PTPRN2: variants seen among roughly 807,000 people sequenced by gnomAD.
PTPRN2 encodes the protein receptor-type tyrosine-protein phosphatase N2.
A neutral mutation model predicts 118.8 loss-of-function variants in PTPRN2; 74 were observed. The ratio of observed to expected loss-of-function variants is 0.62; its 90% CI spans 0.52 to 0.76. The LOEUF is 0.76. PTPRN2 is among the 30% of genes least tolerant of loss of function. PTPRN2 has a pLI of 0.00. For synonymous variants in PTPRN2, 641 were observed against 608.0 expected (o/e 1.05, Z -0.80); for missense variants, 1,481 against 1,394.4 (o/e 1.06, Z -0.99).
intron 11 of PTPRN2, among the ~76,000 whole-genome samples, chr7:157,927,241 G>A (rs1218128943): frequency 7.7e-5 from 5 of 64,756 alleles, no homozygotes; most frequent in African/African-American, 2.6e-4. Context: ...GAGAGCAGAG[G>A]CCTCGCGTCT....
At chr7:158,296,803 T>C (rs7800966) in intron 3 of PTPRN2, among the ~76,000 whole-genome samples, 137,641 of 152,268 alleles carry the variant, frequency 0.9, 62,608 homozygotes, top group Middle Eastern at 0.96. Flanking sequence ...CTCTTCTGGG[T>C]GGCAGTTGGC....
intron 11 of PTPRN2, among the ~76,000 whole-genome samples, chr7:157,965,796 C>T (rs1299903642): frequency 1.3e-5 from 2 of 152,234 alleles, no homozygotes; most frequent in South Asian, 4.1e-4. Flanking sequence ...TTATGACTTT[C>T]TGAAGAATTG....
At chr7:158,474,989 C>A (rs898994736) in intron 2 of PTPRN2, among the ~76,000 whole-genome samples, 2 of 152,176 alleles carry the variant, frequency 1.3e-5, no homozygotes, top group African/African-American at 4.8e-5. Context: ...GAGACAGGCC[C>A]TGAGGAGCCT....
At chr7:157,915,492 A>T (rs867684796) in intron 11 of PTPRN2, among the ~76,000 whole-genome samples, 1 of 146,088 alleles carries the variant, frequency 6.8e-6, no homozygotes, top group Non-Finnish European at 1.5e-5. Flanking sequence ...ACAGCGCTGA[A>T]CGCAAGCAGT....
intron 3 of PTPRN2, among the ~76,000 whole-genome samples, chr7:158,213,881 A>C (rs1827782394): frequency 6.6e-6 from 1 of 152,176 alleles, no homozygotes; most frequent in South Asian, 2.1e-4. Context: ...AAATTTAAAT[A>C]ACTAAAATTT....
rs992299047 is a variant in PTPRN2, at chr7:157,903,891, G to A, written c.1724-5154C>T. 2.0e-5 allele frequency among the ~76,000 whole-genome samples: 3 copies of A among 152,164 alleles called. No homozygotes were observed. The highest frequency in any genetic ancestry group is 7.2e-5 in the African/African-American group (3 of 41,434). ...ATGCACGCTTCACAAGCAGCTGTGAGGACCACGTGGGAGCCTCTGAGCCAG... is the reference window on the plus strand; with the variant it reads ...ATGCACGCTTCACAAGCAGCTGTGAAGACCACGTGGGAGCCTCTGAGCCAG... On this transcript the variant is annotated intron_variant, in intron 11 of 22. Transcript: ENST00000389418. This position sits in a 1 kb window ranked among gnomAD's most constrained non-coding sequence, Gnocchi z 4.2.
chr7:158,393,004 A>G (rs1415799420), intron 2 of PTPRN2, among the ~76,000 whole-genome samples: 4 of 152,174 alleles, frequency 2.6e-5, no homozygotes, highest in African/African-American at 9.7e-5. Flanking sequence ...AAGTCCACAG[A>G]GAGAAAGGGC....
intron 11 of PTPRN2, among the ~76,000 whole-genome samples, chr7:158,076,929 G>A (rs975653712): frequency 8.5e-5 from 13 of 152,356 alleles, no homozygotes; most frequent in Middle Eastern, 3.4e-3. Context: ...GAATCCGCAC[G>A]GAGCGGACCA....
At chr7:157,821,345 T>C (rs536737854) in intron 12 of PTPRN2, among the ~76,000 whole-genome samples, 1 of 152,284 alleles carries the variant, frequency 6.6e-6, no homozygotes, top group Admixed American at 6.5e-5. Context: ...CAGGGTCAAT[T>C]CACTCCATGG....
At chr7:158,069,957 G>A (rs1024005236) in intron 11 of PTPRN2, among the ~76,000 whole-genome samples, 2 of 152,260 alleles carry the variant, frequency 1.3e-5, no homozygotes, top group Non-Finnish European at 2.9e-5. Context: ...AACAGTCAAT[G>A]AGTCGTCCAA....
At chr7:158,263,318 C>T (rs1156592199) in intron 3 of PTPRN2, among the ~76,000 whole-genome samples, 1 of 152,222 alleles carries the variant, frequency 6.6e-6, no homozygotes, top group Non-Finnish European at 1.5e-5. Flanking sequence ...TGGGTGTACA[C>T]ACAGCTGTAC....
chr7:158,110,141 T>A (rs555016471), intron 10 of PTPRN2, among the ~76,000 whole-genome samples: 1 of 152,240 alleles, frequency 6.6e-6, no homozygotes, highest in Non-Finnish European at 1.5e-5. Context: ...CCTCTGTGGA[T>A]GTCACTCTAC....
In PTPRN2 at chr7:158,272,047, G is replaced by A. The variant is rs34821776; in HGVS notation, c.277+44772C>T. ...GTTAAAAGCTGCACCATCAAAAGAC[G>A]GTCAGGTTGTTCCCTCCTCATTTAA... On this transcript the variant is annotated intron_variant, in intron 3 of 22. Coordinates refer to ENST00000389418, the MANE Select transcript of PTPRN2 (RefSeq NM_002847.5). 5.4e-3 allele frequency among the ~76,000 whole-genome samples: 819 copies of A among 152,288 alleles called. 7 individuals carry two copies. Among genetic ancestry groups the A allele is most frequent in the Middle Eastern group, 0.017 (5 of 294 alleles).
Position 158,173,726 on chromosome 7 carries a change from C to A in PTPRN2, c.550-6435G>T, listed in dbSNP as rs572648604. On this transcript the variant is annotated intron_variant, in intron 5 of 22. Coordinates refer to ENST00000389418, the MANE Select transcript of PTPRN2 (RefSeq NM_002847.5). ...CTGCATAAGACAGACACTCCCAGAA[C>A]GGCCATTCATAGACCTACCCCTGGG... Among the ~76,000 whole-genome samples the A allele has an allele frequency of 3.0e-4, 46 of 152,178 alleles. 1 individual carries two copies.
intron 12 of PTPRN2, among the ~76,000 whole-genome samples, chr7:157,732,824 C>T (rs1298598141): frequency 1.1e-4 from 1 of 9,286 alleles, no homozygotes; most frequent in Non-Finnish European, 1.8e-4. Flanking sequence ...GCACAGTTAC[C>T]CTTTCCCGTC....
chr7:158,483,526 A>G (rs535877449), intron 2 of PTPRN2, among the ~76,000 whole-genome samples: 5 of 152,310 alleles, frequency 3.3e-5, no homozygotes, highest in African/African-American at 1.2e-4. Context: ...TTTAGTACCT[A>G]AGTTGCAATG....
chr7:157,597,293 T>G (rs1161393333), intron 16 of PTPRN2, among the ~76,000 whole-genome samples: 1 of 152,184 alleles, frequency 6.6e-6, no homozygotes, highest in Non-Finnish European at 1.5e-5. Flanking sequence ...CAGGTAAAAT[T>G]ATGTTACCGT....
intron 2 of PTPRN2, among the ~76,000 whole-genome samples, chr7:158,408,516 G>T (rs1813774238): frequency 6.6e-6 from 1 of 152,196 alleles, no homozygotes; most frequent in Non-Finnish European, 1.5e-5. Flanking sequence ...GACTCATACT[G>T]CATCTTCAGA....
chr7:158,332,655 T>G (rs1469677090), intron 2 of PTPRN2, among the ~76,000 whole-genome samples: 4 of 108,964 alleles, frequency 3.7e-5, no homozygotes, highest in East Asian at 3.1e-4. Flanking sequence ...TAAGAGCTGA[T>G]GCCTGCAGAC....
Sources: allele counts gnomAD v4.1 joint callset (sites outside exome capture counted in the v4.1 genomes callset), GRCh38; gene constraint gnomAD v4.1.1; non-coding constraint Gnocchi (gnomAD v3.1); transcripts MANE v1.5; gene names NCBI Gene and HGNC (gene_info 2026-07-23, HGNC 2026-07-21).